Variants in TNS1 observed in about 807,000 individuals in gnomAD.
TNS1 encodes the protein tensin 1, also known as tensin-1.
In TNS1, 62 loss-of-function variants were observed where a neutral mutation model predicts 168.6. The observed-to-expected ratio is 0.37, with a 90% CI of 0.30 to 0.45. The LOEUF (loss-of-function observed/expected upper bound fraction) is 0.45. Among genes scored for constraint, TNS1 ranks in the 20% least tolerant of loss-of-function variants. The probability of loss-of-function intolerance (pLI) is 1.00; values close to 1 mark genes in which losing one functional copy is unlikely to be tolerated. For synonymous variants in TNS1, 934 were observed against 933.2 expected (o/e 1.00, Z -0.02); for missense variants, 2,240 against 2,339.4 (o/e 0.96, Z 0.88).
chr2:217,933,409 T>C (rs60168882), intron 3 of TNS1, among the ~76,000 whole-genome samples: 3,335 of 152,160 alleles, frequency 0.022, 131 homozygotes, highest in African/African-American at 0.074. Context: ...ACAGCGCACA[T>C]GCCTGACCAC....
chr2:217,938,551 GAC>G (rs1368821823), intron 3 of TNS1, among the ~76,000 whole-genome samples: 1 of 152,252 alleles, frequency 6.6e-6, no homozygotes, highest in African/African-American at 2.4e-5. Flanking sequence ...GAGGGCATAA[GAC>G]ACAATAATTT....
At chr2:217,877,812 G>A (rs1268688845) in intron 18 of TNS1, among the ~76,000 whole-genome samples, 4 of 152,164 alleles carry the variant, frequency 2.6e-5, no homozygotes, top group Non-Finnish European at 5.9e-5. Context: ...ACTGCCAGGA[G>A]AGGGCAAGGT....
chr2:217,897,870 A>G lies in TNS1; in HGVS notation c.471T>C (p.Asn157=), dbSNP rs149429283. ...IIAVSFPSTA[N]EENFRSNLRE... ...GGAGGTTGCTCCGGAAGTTCTCCTC[A>G]TTGGCTGTGCTGGGGAAGGAGACAG... Residue 157 remains asparagine (N), a synonymous_variant, in exon 8 of 33, where the codon AAT becomes AAC. Coordinates refer to ENST00000682258, the MANE Select transcript of TNS1 (RefSeq NM_001387777.1). 4 of 1,613,530 alleles carry G rather than the reference A, an allele frequency of 2.5e-6. No individual in the cohort carries two copies. Among genetic ancestry groups the G allele is most frequent in the Admixed American group, 3.3e-5 (2 of 59,958 alleles).
chr2:217,830,167 GC>G (rs532868013), intron 22 of TNS1, among the ~76,000 whole-genome samples: 266 of 152,272 alleles, frequency 1.7e-3, no homozygotes, highest in South Asian at 0.014. Flanking sequence ...AGGAGCCTGA[GC>G]CCCTCGCAGC....
chr2:217,849,277 A>T (rs1200870669), intron 18 of TNS1, among the ~76,000 whole-genome samples, 190 bp from the exon 19 acceptor site: 1 of 152,172 alleles, frequency 6.6e-6, no homozygotes, highest in Non-Finnish European at 1.5e-5. Context: ...TTTGGGGCAG[A>T]GCCTCACCAA....
At chr2:217,846,281 T>C (rs1268689495) in intron 19 of TNS1, among the ~76,000 whole-genome samples, 1 of 152,174 alleles carries the variant, frequency 6.6e-6, no homozygotes, top group Non-Finnish European at 1.5e-5. Flanking sequence ...ATACCAATAG[T>C]GGAGCTGGGG....
chr2:217,857,646 G>A (rs1015177982), intron 18 of TNS1, among the ~76,000 whole-genome samples: 2 of 152,198 alleles, frequency 1.3e-5, no homozygotes, highest in Admixed American at 6.5e-5. Flanking sequence ...AAACCTGATC[G>A]TGACCTTGAC....
chr2:217,962,388 A>G (rs1341636420), intron 3 of TNS1, among the ~76,000 whole-genome samples: 1 of 152,212 alleles, frequency 6.6e-6, no homozygotes, highest in African/African-American at 2.4e-5. Context: ...GGTTGCAGTG[A>G]GCCGAGATCA....
chr2:217,877,954 T>C lies in TNS1; in HGVS notation c.1429+2944A>G, dbSNP rs541053078. On this transcript the variant is annotated intron_variant, in intron 18 of 32. Transcript: ENST00000682258. ...AGAGGGAATGGTCTGGCCTCTACTA[T>C]CACCCTCCCGCAGTGGGCCTGAAAT... is the stretch of plus-strand genomic sequence containing the variant. Among the ~76,000 whole-genome samples the C allele has an allele frequency of 3.3e-5, 5 of 152,262 alleles. No individual in the cohort carries two copies. In the East Asian group the frequency reaches 9.7e-4, roughly 30 times the overall value.
intron 11 of TNS1, 106 bp from the exon 12 acceptor site, chr2:217,891,151 G>A (rs963878861): frequency 9.5e-7 from 1 of 1,055,246 alleles, no homozygotes; most frequent in Admixed American, 1.9e-5. Context: ...TGGCCAAAGA[G>A]CACCTTTGTC....
intron 30 of TNS1, 126 bp from the exon 31 acceptor site, chr2:217,808,797 C>A: frequency 3.7e-6 from 3 of 803,742 alleles, no homozygotes; most frequent in Admixed American, 4.1e-5. Flanking sequence ...CAACTTCTCT[C>A]TTATGAGCAA....
rs927058808 is a variant in TNS1, at chr2:217,893,070, A to T, written c.718-58T>A. The T allele has an allele frequency of 3.4e-5, 55 of 1,600,128 alleles. No individual in the cohort carries two copies. The Admixed American group carries it at 9.2e-4, about 27-fold the overall frequency. On this transcript the variant is annotated intron_variant, in intron 10 of 32. Coordinates refer to ENST00000682258, the MANE Select transcript of TNS1 (RefSeq NM_001387777.1). Reference sequence around the variant, plus strand: ...TCTAAGGCCAGCCTTGCTGCCCCAGAGCTTATCTAGAAGCCTTGGTGGAAA... The same window carrying T: ...TCTAAGGCCAGCCTTGCTGCCCCAGTGCTTATCTAGAAGCCTTGGTGGAAA...
At chr2:217,892,201 G>C (rs1035273224) in intron 11 of TNS1, among the ~76,000 whole-genome samples, 3 of 152,200 alleles carry the variant, frequency 2.0e-5, no homozygotes, top group African/African-American at 7.2e-5. Context: ...CCAGATTCAA[G>C]GGATTCTCCT....
At chr2:217,912,047 C>CA (rs55747869) in intron 4 of TNS1, among the ~76,000 whole-genome samples, 1 of 152,032 alleles carries the variant, frequency 6.6e-6, no homozygotes, top group African/African-American at 2.4e-5. Context: ...AATTTTTTTC[C>CA]AAAAAAAGAC....
chr2:217,830,936 G>T (rs1944332821), intron 22 of TNS1, among the ~76,000 whole-genome samples: 1 of 152,100 alleles, frequency 6.6e-6, no homozygotes, highest in Non-Finnish European at 1.5e-5. Context: ...CAGACCTAGA[G>T]ACCACTCTGA....
chr2:217,878,319 G>A (rs1292122678), intron 18 of TNS1, among the ~76,000 whole-genome samples: 1 of 152,214 alleles, frequency 6.6e-6, no homozygotes, highest in Non-Finnish European at 1.5e-5. Context: ...GTGGGACCCA[G>A]GTACTGCCAC....
chr2:217,856,628 T>G (rs1211417965), intron 18 of TNS1, among the ~76,000 whole-genome samples: 1 of 152,052 alleles, frequency 6.6e-6, no homozygotes, highest in Non-Finnish European at 1.5e-5. Context: ...AGAGGGCAGG[T>G]GCCAAGTGCA....
At chr2:217,862,469 G>A (rs955691756) in intron 18 of TNS1, among the ~76,000 whole-genome samples, 23 of 152,156 alleles carry the variant, frequency 1.5e-4, no homozygotes, top group African/African-American at 5.6e-4. Context: ...AAGTTCTAGA[G>A]GTAGGAGGGT....
chr2:218,013,363 C>T (rs974209027), upstream of TNS1, among the ~76,000 whole-genome samples: 4 of 152,170 alleles, frequency 2.6e-5, no homozygotes, highest in Non-Finnish European at 4.4e-5. Flanking sequence ...GTGGACCAGA[C>T]ACAGACACTC....
Sources: allele counts gnomAD v4.1 joint callset (sites outside exome capture counted in the v4.1 genomes callset), GRCh38; gene constraint gnomAD v4.1.1; transcripts MANE v1.5; gene names NCBI Gene and HGNC (gene_info 2026-07-23, HGNC 2026-07-21).